B3GAT3: variants seen among roughly 807,000 people sequenced by gnomAD.
B3GAT3 encodes beta-1,3-glucuronyltransferase 3, also known as galactosylgalactosylxylosylprotein 3-beta-glucuronosyltransferase 3.
Under a neutral mutation model 33.1 loss-of-function variants are expected in B3GAT3, and 19 were observed. The observed-to-expected ratio is 0.57, with a 90% CI of 0.40 to 0.84. B3GAT3 has a LOEUF of 0.84. Among genes scored for constraint, B3GAT3 ranks in the 40% least tolerant of loss-of-function variants. The pLI, the probability that B3GAT3 is intolerant of heterozygous loss-of-function variation, is 0.00. For missense variants in B3GAT3, 344 were observed against 441.5 expected (o/e 0.78, Z 1.98); for synonymous variants, 167 against 193.5 (o/e 0.86, Z 1.14).
rs12292661 is a variant in B3GAT3 at position 62,616,021 on chromosome 11, A to C, written c.910-222T>G. 8,528 of 1,363,732 alleles carry C rather than the reference A, an allele frequency of 6.3e-3. 422 individuals carry two copies. The African/African-American group carries it at 0.11, about 18-fold the overall frequency. 84.5% of individuals were successfully genotyped at this position (1,363,732 alleles called of 1,614,324 possible). A position where few individuals can be genotyped will look rare whatever the true frequency, so the allele number is the denominator to read the frequency against. ...CACTTTGGGAGGCCGAGGAAGGCGG[A>C]TCACGAGGTCAGGAGATTGAGACCA... On this transcript the variant is annotated intron_variant, in intron 4 of 4. Transcript: ENST00000265471.
Position 62,615,608 on chromosome 11 carries a change from C to A in B3GAT3, c.*93G>T. ...AGGGGCCACTTCTGGCTCCAAGGGT[C>A]AGGACTTGGAAAACCACATCCTGGG... is the stretch of plus-strand genomic sequence containing the variant. On this transcript the variant is annotated 3_prime_UTR_variant, in exon 5 of 5. Coordinates refer to ENST00000265471, the MANE Select transcript of B3GAT3 (RefSeq NM_012200.4). 1 of 1,545,464 alleles carries A rather than the reference C, an allele frequency of 6.5e-7. No individual in the cohort carries two copies.
In B3GAT3 at chr11:62,617,397, T is replaced by C. The variant is rs4963224; in HGVS notation, c.258-50A>G. Reference sequence around the variant, plus strand: ...GGAAAAGGGGCAGGCACCATTTGCCTGCTCCAGCCAGGGCAGACAGCTTCT... The same window carrying C: ...GGAAAAGGGGCAGGCACCATTTGCCCGCTCCAGCCAGGGCAGACAGCTTCT... On this transcript the variant is annotated intron_variant, in intron 2 of 4. Transcript: ENST00000265471. 1,601,277 of 1,602,928 alleles carry C rather than the reference T, an allele frequency of 1. 799,826 individuals carry two copies. Among genetic ancestry groups the C allele is most frequent in the East Asian group, 1 (44,875 of 44,876 alleles).
chr11:62,621,019 C>T (rs1943134075), intron 1 of B3GAT3: 8 of 511,018 alleles, frequency 1.6e-5, no homozygotes, highest in South Asian at 1.2e-4. Flanking sequence ...CTAACCATTA[C>T]ACTATGGAAC....
chr11:62,617,247 G>C lies in B3GAT3; in HGVS notation c.358C>G (p.Leu120Val), dbSNP rs1168840530. ...GAGGCAGCCAGCAGCCCTGAGACCA[G>C]CGGGGTGGGACCCTCAGCATCCTCC... ...LVEDAEGPTP[L>V]VSGLLAASGL... Residue 120 changes from leucine (L) to valine (V), a missense_variant, in exon 3 of 5, where the codon CTG (leucine) becomes GTG (valine). Transcript: ENST00000265471. 6.2e-7 allele frequency: 1 copy of C among 1,613,264 alleles called. No homozygotes were observed.
Position 62,617,041 on chromosome 11 carries a change from T to C in B3GAT3, c.564A>G (p.Gly188=). The change falls in exon 3 of 5, where the codon GGA becomes GGG. Residue 188 remains glycine (G), a synonymous_variant. Coordinates refer to ENST00000265471, the MANE Select transcript of B3GAT3 (RefSeq NM_012200.4). ...EKDPPPPGTQ[G]VVYFADDDNT... ...TGTCATCGTCAGCAAAGTAGACGAC[T>C]CCTTGGGTCCCTGGTGGTGGTGGGT... 1 of 1,614,174 alleles carries C rather than the reference T, an allele frequency of 6.2e-7. No individual in the cohort carries two copies. The highest frequency in any genetic ancestry group is 8.5e-7 in the Non-Finnish European group (1 of 1,180,022).
At chr11:62,621,573 G>A (rs1943145406) in intron 1 of B3GAT3, among the ~76,000 whole-genome samples, 1 of 152,172 alleles carries the variant, frequency 6.6e-6, no homozygotes, top group South Asian at 2.1e-4. Context: ...CTGTCAGCAA[G>A]CCAGTCTGGC....
rs1168959180 is a variant in B3GAT3, at chr11:62,615,597, GCT to G, written c.*102_*103del. 12 of 1,534,298 alleles carry G rather than the reference GCT, an allele frequency of 7.8e-6. No homozygotes were observed. In the East Asian group the frequency reaches 2.9e-4, roughly 37 times the overall value. ...TGGAGGGGCAGAGGGGCCACTTCTG[GCT>G]CCAAGGGTCAGGACTTGGAAAACCA... On this transcript the variant is annotated 3_prime_UTR_variant, in exon 5 of 5. Transcript: ENST00000265471.
chr11:62,618,708 G>A lies in B3GAT3; in HGVS notation c.258-1361C>T, dbSNP rs576918976. Among the ~76,000 whole-genome samples, 17 of 151,546 alleles carry A rather than the reference G, an allele frequency of 1.1e-4. No individual in the cohort carries two copies. In the East Asian group the frequency reaches 2.5e-3, roughly 22 times the overall value. On this transcript the variant is annotated intron_variant, in intron 2 of 4. Coordinates refer to ENST00000265471, the MANE Select transcript of B3GAT3 (RefSeq NM_012200.4). ...TAAAATACAAAAAATTACTGGCCAGGCATGGTGGCTCACACCTGTAATCCC... is the reference window on the plus strand; with the variant it reads ...TAAAATACAAAAAATTACTGGCCAGACATGGTGGCTCACACCTGTAATCCC...
At chr11:62,617,677 C>A (rs1943060672) in intron 2 of B3GAT3, among the ~76,000 whole-genome samples, 2 of 151,462 alleles carry the variant, frequency 1.3e-5, no homozygotes, top group African/African-American at 4.9e-5. Flanking sequence ...GAGTTCCAGA[C>A]CAGCCTGGCC....
Position 62,617,011 on chromosome 11 carries a change from G to A in B3GAT3, c.594C>T (p.Thr198=), listed in dbSNP as rs1438349086. 6.2e-7 allele frequency: 1 copy of A among 1,614,210 alleles called. No homozygotes were observed. The highest frequency in any genetic ancestry group is 8.5e-7 in the Non-Finnish European group (1 of 1,180,040). ...GVVYFADDDN[T]YSRELFEEMR... ...CCTCCTCAAACAGCTCCCGGCTGTA[G>A]GTGTTGTCATCGTCAGCAAAGTAGA... The change falls in exon 3 of 5, where the codon ACC becomes ACT. Residue 198 remains threonine (T), a synonymous_variant. Transcript: ENST00000265471.
intron 1 of B3GAT3, among the ~76,000 whole-genome samples, chr11:62,620,897 G>C (rs1299129463): frequency 6.6e-6 from 1 of 152,166 alleles, no homozygotes; most frequent in East Asian, 1.9e-4. Context: ...TTTTATGTTG[G>C]ATATTGAGCT....
intron 2 of B3GAT3, chr11:62,617,599 C>A (rs781238653): frequency 1.2e-5 from 7 of 579,218 alleles, no homozygotes; most frequent in Non-Finnish European, 2.2e-5. Flanking sequence ...GGCACAGGGC[C>A]GGGCATGGTG....
chr11:62,616,299 A>T, intron 4 of B3GAT3: 2 of 722,172 alleles, frequency 2.8e-6, no homozygotes, highest in Non-Finnish European at 2.3e-6. Flanking sequence ...TCTGTGCCAC[A>T]TGGGTTCCCA....
rs1367274361 is a variant in B3GAT3, at chr11:62,616,569, G to A, written c.846C>T (p.Ser282=). 10 of 1,614,126 alleles carry A rather than the reference G, an allele frequency of 6.2e-6. No individual in the cohort carries two copies. The highest frequency in any genetic ancestry group is 1.7e-5 in the Admixed American group (1 of 60,002). Residue 282 remains serine (S), a synonymous_variant, in exon 4 of 5, where the codon AGC becomes AGT. Transcript: ENST00000265471. ...DSTAPRGHLE[S]SLLSHLVDPK... is the part of the protein sequence containing the mutation. ...GATCCACAAGGTGGCTCAGAAGACT[G>A]CTCTCCAGGTGGCCCCGGGGAGCGG...
chr11:62,618,253 C>A (rs1943074537), intron 2 of B3GAT3, among the ~76,000 whole-genome samples: 1 of 148,240 alleles, frequency 6.7e-6, no homozygotes. Context: ...GGTTTGAAAT[C>A]CAGTTTTGTA....
rs576671497 is a variant in B3GAT3 at position 62,616,471 on chromosome 11, G to A, written c.909+35C>T. 1.1e-5 allele frequency: 18 copies of A among 1,613,600 alleles called. No individual in the cohort carries two copies. The East Asian group carries it at 2.7e-4, about 24-fold the overall frequency. The stretch of plus-strand genomic sequence containing the variant: ...CCTCCCCCATCACCTGTCCATCCAA[G>A]AGCCAGGTTTCTATGCCCATCTCCA... On this transcript the variant is annotated intron_variant, in intron 4 of 4. Coordinates refer to ENST00000265471, the MANE Select transcript of B3GAT3 (RefSeq NM_012200.4).
At position 62,617,057 on chromosome 11, in the gene B3GAT3, G is replaced by A. The variant is rs746221368; in HGVS notation, c.548C>T (p.Pro183Leu). 1.9e-6 allele frequency: 3 copies of A among 1,614,062 alleles called. No individual in the cohort carries two copies. Among genetic ancestry groups the A allele is most frequent in the African/African-American group, 2.7e-5 (2 of 74,914 alleles). Reference protein sequence around the residue: ...GAVGGEKDPPPPGTQGVVYFA... With the variant: ...GAVGGEKDPPLPGTQGVVYFA... ...GTAGACGACTCCTTGGGTCCCTGGT[G>A]GTGGTGGGTCCTTCTCCCCACCCAC... The change falls in exon 3 of 5, where the codon CCA (proline) becomes CTA (leucine). Residue 183 changes from proline to leucine, a missense_variant. Coordinates refer to ENST00000265471, the MANE Select transcript of B3GAT3 (RefSeq NM_012200.4).
intron 2 of B3GAT3, 128 bp from the exon 3 acceptor site, chr11:62,617,475 C>T: frequency 3.1e-6 from 4 of 1,302,886 alleles, no homozygotes; most frequent in Non-Finnish European, 4.3e-6. Flanking sequence ...TGCCTAAACT[C>T]CCTCTTTCTT....
At chr11:62,621,093 A>C (rs1415369666) in intron 1 of B3GAT3, 1 of 463,166 alleles carries the variant, frequency 2.2e-6, no homozygotes, top group Non-Finnish European at 4.3e-6. Context: ...AAATCTTTGC[A>C]TAAGGGGCAG....
Sources: gnomAD v4.1 joint callset for allele counts (sites outside exome capture counted in the v4.1 genomes callset) on GRCh38, gnomAD v4.1.1 for gene constraint, MANE v1.5 for transcripts, NCBI Gene and HGNC (gene_info 2026-07-23, HGNC 2026-07-21) for gene names.